Variants in C4orf33 observed in about 807,000 individuals in gnomAD.
C4orf33 encodes chromosome 4 open reading frame 33.
C4orf33 carries 20 observed loss-of-function variants against 24.3 expected under a neutral mutation model. The ratio of observed to expected loss-of-function variants is 0.82; its 90% CI spans 0.58 to 1.19. The LOEUF (loss-of-function observed/expected upper bound fraction) is 1.19. Ranked by LOEUF, C4orf33 falls within the 50% of genes most tolerant of loss-of-function variation. The probability of loss-of-function intolerance (pLI) is 0.00; values close to 1 mark genes in which losing one functional copy is unlikely to be tolerated. For missense variants in C4orf33, 207 were observed against 225.9 expected (o/e 0.92, Z 0.54); for synonymous variants, 67 against 76.4 (o/e 0.88, Z 0.64).
intron 3 of C4orf33, among the ~76,000 whole-genome samples, chr4:129,109,017 G>C (rs1230358947): frequency 1.3e-5 from 2 of 152,154 alleles, no homozygotes; most frequent in African/African-American, 4.8e-5. Flanking sequence ...CTCCCAAGTT[G>C]CTGGGACTAC....
At chr4:129,102,539 T>C in intron 1 of C4orf33, 63 bp from the exon 2 acceptor site, 2 of 1,290,382 alleles carry the variant, frequency 1.5e-6, no homozygotes, top group Non-Finnish European at 2.1e-6. Flanking sequence ...TTTCATTTCA[T>C]TTCCAACTAA....
intron 5 of C4orf33, chr4:129,109,933 A>T (rs1222389879): frequency 8.3e-7 from 1 of 1,204,722 alleles, no homozygotes; most frequent in Non-Finnish European, 1.0e-6. Flanking sequence ...GAGAAAAGTA[A>T]ATGTTGTAAT....
rs1225428818 is a variant in C4orf33 at position 129,102,771 on chromosome 4, A to G, written c.161A>G (p.Asn54Ser). 5 of 1,613,456 alleles carry G rather than the reference A, an allele frequency of 3.1e-6. No homozygotes were observed. The Admixed American group carries it at 5.0e-5, about 16-fold the overall frequency. Residue 54 changes from asparagine to serine, a missense_variant, in exon 2 of 6, where the codon AAT (asparagine) becomes AGT (serine). Coordinates refer to ENST00000425929, the MANE Select transcript of C4orf33 (RefSeq NM_001099783.2). Reference protein sequence around the residue: ...APLGEPGKPFNELWDYEVVEA... With the variant: ...APLGEPGKPFSELWDYEVVEA... ...CTTGGAGAACCAGGAAAACCTTTCA[A>G]TGAACTGTGGGATTATGAAGGTAAG...
chr4:129,099,669 TAGCCCAAGA>T (rs1191839706), intron 1 of C4orf33, among the ~76,000 whole-genome samples: 1 of 152,204 alleles, frequency 6.6e-6, no homozygotes, highest in Admixed American at 6.6e-5. Flanking sequence ...AGGGGAGCGC[TAGCCCAAGA>T]GGTGAAGGAC....
intron 5 of C4orf33, 24 bp from the exon 6 acceptor site, chr4:129,111,662 C>G: frequency 7.1e-7 from 1 of 1,404,086 alleles, no homozygotes; most frequent in Non-Finnish European, 1.0e-6. Flanking sequence ...TTTCAATTCC[C>G]ACCTTCTTTT....
At chr4:129,099,290 T>G (rs1238592733) in intron 1 of C4orf33, among the ~76,000 whole-genome samples, 3 of 152,188 alleles carry the variant, frequency 2.0e-5, no homozygotes, top group Non-Finnish European at 2.9e-5. Flanking sequence ...CCTGTAGACT[T>G]ATTATATATT....
rs1753728459 is a variant in C4orf33 at position 129,113,429 on chromosome 4, A to G, written c.*1638A>G. ...TAGTCAGGTACAAATGATATATTCT[A>G]GAAACTTGTATCCAAGAAACTTTTA... On this transcript the variant is annotated 3_prime_UTR_variant, in exon 6 of 6. Transcript: ENST00000425929. 1 of 152,244 alleles carries G rather than the reference A, an allele frequency of 6.6e-6. No individual in the cohort carries two copies. Among genetic ancestry groups the G allele is most frequent in the Admixed American group, 6.5e-5 (1 of 15,284 alleles). The allele number at this position is 152,244 out of a possible 1,614,324, so 9.4% of individuals were successfully genotyped here.
Position 129,116,587 on chromosome 4 carries a change from G to A in C4orf33, c.*4796G>A, listed in dbSNP as rs770286282. On this transcript the variant is annotated 3_prime_UTR_variant, in exon 6 of 6. Coordinates refer to ENST00000425929, the MANE Select transcript of C4orf33 (RefSeq NM_001099783.2). ...CTTTGCTGAAATAGAAAACCAAACT[G>A]TAAATTGAAGTCTGAGCATTCAGAG... The A allele has an allele frequency of 6.6e-6, 1 of 152,094 alleles. No homozygotes were observed. The highest frequency in any genetic ancestry group is 2.1e-4 in the South Asian group (1 of 4,826). 9.4% of individuals were successfully genotyped at this position (152,094 alleles called of 1,614,324 possible).
rs1202207715 is a variant in C4orf33, at chr4:129,102,697, A to G, written c.87A>G (p.Gly29=). ...VFIRLNPGDR[G]VMMDISAPFF... ...TCAGGCTGAATCCAGGTGACAGAGGAGTGATGATGGACATTAGTGCTCCAT... is the reference window on the plus strand; with the variant it reads ...TCAGGCTGAATCCAGGTGACAGAGGGGTGATGATGGACATTAGTGCTCCAT... The change falls in exon 2 of 6, where the codon GGA becomes GGG. Residue 29 remains glycine (G), a synonymous_variant. Transcript: ENST00000425929. 1 of 1,613,976 alleles carries G rather than the reference A, an allele frequency of 6.2e-7. No homozygotes were observed. The highest frequency in any genetic ancestry group is 8.5e-7 in the Non-Finnish European group (1 of 1,179,978).
chr4:129,115,911 G>A lies in C4orf33; in HGVS notation c.*4120G>A, dbSNP rs1244499694. On this transcript the variant is annotated 3_prime_UTR_variant, in exon 6 of 6. Transcript: ENST00000425929. ...TGTGTATGTGTGTAGCATATTTTTTGTTAAATCACCATTCCTGGGCCCTAC... is the reference window on the plus strand; with the variant it reads ...TGTGTATGTGTGTAGCATATTTTTTATTAAATCACCATTCCTGGGCCCTAC... 6.8e-6 allele frequency: 1 copy of A among 147,684 alleles called. No individual in the cohort carries two copies. The highest frequency in any genetic ancestry group is 1.5e-5 in the Non-Finnish European group (1 of 67,162). The allele number at this position is 147,684 out of a possible 1,614,324, so 9.1% of individuals were successfully genotyped here. A position where few individuals can be genotyped will look rare whatever the true frequency, so the allele number is the denominator to read the frequency against.
At chr4:129,098,134 T>A (rs1753254135) in intron 1 of C4orf33, among the ~76,000 whole-genome samples, 1 of 152,170 alleles carries the variant, frequency 6.6e-6, no homozygotes, top group Non-Finnish European at 1.5e-5. Flanking sequence ...GAAGGAGGTT[T>A]TTGCTTTTTT....
Position 129,111,772 on chromosome 4 carries a change from T to C in C4orf33, c.581T>C (p.Ile194Thr), listed in dbSNP as rs1580020554. The C allele has an allele frequency of 6.2e-7, 1 of 1,605,888 alleles. No homozygotes were observed. The highest frequency in any genetic ancestry group is 1.1e-5 in the South Asian group (1 of 90,706). The change falls in exon 6 of 6, where the codon ATA becomes ACA. Residue 194 changes from isoleucine to threonine, a missense_variant. By Grantham distance (89) the Ile-to-Thr change is moderately conservative. Transcript: ENST00000425929. ...CAACCGGAATCAGACCTGTGGCTAA[T>C]AGAGAAATGTGATATATAGGAGTAA... is the stretch of plus-strand genomic sequence containing the variant. ...WKQPESDLWL[I>T]EKCDI
chr4:129,094,495 T>C (rs1753119308), upstream of C4orf33, among the ~76,000 whole-genome samples: 1 of 152,224 alleles, frequency 6.6e-6, no homozygotes, highest in Non-Finnish European at 1.5e-5. Context: ...AGAGTTTTGT[T>C]GTCCCGTACT....
At chr4:129,097,198 C>T (rs1240717740) in intron 1 of C4orf33, among the ~76,000 whole-genome samples, 4 of 152,112 alleles carry the variant, frequency 2.6e-5, no homozygotes, top group Non-Finnish European at 5.9e-5. Context: ...TGAGCCACCG[C>T]GCCCGGCCAA....
chr4:129,100,077 T>TA (rs1753309198), intron 1 of C4orf33, among the ~76,000 whole-genome samples: 1 of 152,182 alleles, frequency 6.6e-6, no homozygotes, highest in Admixed American at 6.5e-5. Flanking sequence ...AATTTTCAAA[T>TA]AATGCTCAAA....
intron 3 of C4orf33, among the ~76,000 whole-genome samples, chr4:129,109,052 A>G (rs1177211108): frequency 6.6e-6 from 1 of 152,026 alleles, no homozygotes; most frequent in Non-Finnish European, 1.5e-5. Context: ...ATGCCTGGCT[A>G]ATTTTTTCTT....
chr4:129,098,990 A>C lies in C4orf33; in HGVS notation c.-10+2781A>C, dbSNP rs534552974. Among the ~76,000 whole-genome samples the C allele has an allele frequency of 2.7e-4, 41 of 152,286 alleles. 1 individual carries two copies. The highest frequency in any genetic ancestry group is 2.5e-3 in the Admixed American group (38 of 15,298). ...ATCTTGGTTTTAGCTGGTTGTGGCC[A>C]GTTTCTTTGCTGCATCTTGTTTTGA... On this transcript the variant is annotated intron_variant, in intron 1 of 5. Transcript: ENST00000425929.
At chr4:129,098,740 T>C (rs569570613) in intron 1 of C4orf33, among the ~76,000 whole-genome samples, 3 of 152,350 alleles carry the variant, frequency 2.0e-5, no homozygotes. Context: ...TCCCTGGTTA[T>C]ATGCTAAATA....
At chr4:129,103,841 C>A (rs1753437060) in intron 2 of C4orf33, among the ~76,000 whole-genome samples, 1 of 152,170 alleles carries the variant, frequency 6.6e-6, no homozygotes, top group African/African-American at 2.4e-5. Flanking sequence ...CCCATTTCTT[C>A]AAAGAAGATT....
Sources: gnomAD v4.1 joint callset for allele counts (sites outside exome capture counted in the v4.1 genomes callset) on GRCh38, gnomAD v4.1.1 for gene constraint, MANE v1.5 for transcripts, NCBI Gene and HGNC (gene_info 2026-07-23, HGNC 2026-07-21) for gene names.